The following NELL1 variants were observed in gnomAD, a reference collection of about 807,000 sequenced individuals.
NELL1 encodes neural EGFL like 1, also known as protein kinase C-binding protein NELL1.
Under a neutral mutation model 107.4 loss-of-function variants are expected in NELL1, and 76 were observed. The observed-to-expected ratio is 0.71, with a 90% confidence interval of 0.59 to 0.86. The LOEUF is 0.86. Ranked by LOEUF, NELL1 falls within the 40% of genes least tolerant of loss-of-function variation. NELL1 has a pLI of 0.00. For synonymous variants in NELL1, 353 were observed against 341.2 expected (o/e 1.03, Z -0.38); for missense variants, 1,024 against 1,005.5 (o/e 1.02, Z -0.25).
At chr11:21,534,264 TAA>T in intron 15 of NELL1, 108 bp from the exon 16 acceptor site, 1 of 1,248,550 alleles carries the variant, frequency 8.0e-7, no homozygotes, top group East Asian at 2.4e-5. Context: ...TGTAGGTGAC[TAA>T]ACAGTTTTAA....
rs555335375 is a variant in NELL1 at position 21,494,890 on chromosome 11, T to C, written c.1646-39484T>C. ...CCATCATACATCAATATTTATTCTT[T>C]TTTAGAAAAATTAGTGATGTAGAGC... On this transcript the variant is annotated intron_variant, in intron 15 of 19. Coordinates refer to ENST00000357134, the MANE Select transcript of NELL1 (RefSeq NM_006157.5). 1.8e-4 allele frequency among the ~76,000 whole-genome samples: 28 copies of C among 152,168 alleles called. No homozygotes were observed. In the South Asian group the frequency reaches 5.2e-3, roughly 28 times the overall value.
intron 12 of NELL1, among the ~76,000 whole-genome samples, chr11:21,090,168 A>G (rs1321477908): frequency 6.6e-6 from 1 of 152,222 alleles, no homozygotes; most frequent in Non-Finnish European, 1.5e-5. Flanking sequence ...GAATGGTCAA[A>G]GAATGGGTGT....
chr11:20,799,666 T>TATGC (rs1405600584), intron 3 of NELL1, among the ~76,000 whole-genome samples: 1 of 151,848 alleles, frequency 6.6e-6, no homozygotes, highest in Non-Finnish European at 1.5e-5. Flanking sequence ...TGTGTGTATG[T>TATGC]ATGTATGTAT....
chr11:20,928,760 T>C (rs1850555477), intron 9 of NELL1, among the ~76,000 whole-genome samples: 1 of 152,180 alleles, frequency 6.6e-6, no homozygotes, highest in Non-Finnish European at 1.5e-5. Flanking sequence ...AGGGATTAAG[T>C]CACTTGTCCA....
At chr11:21,004,479 C>A (rs919604636) in intron 12 of NELL1, among the ~76,000 whole-genome samples, 1 of 152,050 alleles carries the variant, frequency 6.6e-6, no homozygotes, top group Non-Finnish European at 1.5e-5. Context: ...ATCAGAGAAG[C>A]CATATTTAAT....
intron 11 of NELL1, among the ~76,000 whole-genome samples, chr11:20,948,378 A>C (rs1030947314): frequency 5.3e-5 from 8 of 151,916 alleles, no homozygotes; most frequent in Non-Finnish European, 1.2e-4. Flanking sequence ...ATTGTTATAT[A>C]ATAGTTGTGC....
chr11:20,991,314 T>C (rs988864618), intron 12 of NELL1, among the ~76,000 whole-genome samples: 1 of 152,204 alleles, frequency 6.6e-6, no homozygotes, highest in Non-Finnish European at 1.5e-5. Context: ...GTCCACTGTT[T>C]TACTGCCACT....
At chr11:21,292,652 A>T (rs953121231) in intron 14 of NELL1, among the ~76,000 whole-genome samples, 1 of 152,198 alleles carries the variant, frequency 6.6e-6, no homozygotes, top group African/African-American at 2.4e-5. Context: ...ACAAAGCTGG[A>T]GGCATCATGG....
At chr11:20,721,181 G>A (rs111635270) in intron 2 of NELL1, among the ~76,000 whole-genome samples, 16,028 of 125,694 alleles carry the variant, frequency 0.13, 1,174 homozygotes, top group Non-Finnish European at 0.16. Flanking sequence ...TATATTTTGT[G>A]TATATATATA....
intron 12 of NELL1, among the ~76,000 whole-genome samples, chr11:21,065,892 T>A (rs987644024): frequency 8.5e-5 from 13 of 152,198 alleles, no homozygotes; most frequent in African/African-American, 3.1e-4. Flanking sequence ...CCCTTGTTCA[T>A]CAGAATGGAC....
chr11:21,290,395 ATAG>A (rs1291714577), intron 14 of NELL1, among the ~76,000 whole-genome samples: 8 of 90,318 alleles, frequency 8.9e-5, no homozygotes, highest in African/African-American at 1.6e-4. Context: ...AATAAAATAA[ATAG>A]ATAAATAAAT....
chr11:21,198,087 C>G (rs1034694533), intron 13 of NELL1, among the ~76,000 whole-genome samples: 15 of 152,184 alleles, frequency 9.9e-5, no homozygotes, highest in African/African-American at 3.6e-4. Context: ...GAAATGGAAT[C>G]AACTGAAGGT....
At chr11:20,893,815 A>C (rs1590388367) in intron 5 of NELL1, among the ~76,000 whole-genome samples, 1 of 151,486 alleles carries the variant, frequency 6.6e-6, no homozygotes, top group African/African-American at 2.4e-5. Context: ...CAGTGAAACA[A>C]TAAAAAATAA....
intron 13 of NELL1, among the ~76,000 whole-genome samples, chr11:21,135,694 A>G (rs539834000): frequency 6.4e-4 from 97 of 152,360 alleles, no homozygotes; most frequent in African/African-American, 2.2e-3. Flanking sequence ...TAGCATATAG[A>G]ATCAGCAACT....
intron 15 of NELL1, among the ~76,000 whole-genome samples, chr11:21,464,395 T>C (rs1853972565): frequency 1.1e-5 from 1 of 94,714 alleles, no homozygotes; most frequent in Non-Finnish European, 2.1e-5. Context: ...TATGAATATG[T>C]CCGTGGCAAA....
At chr11:20,763,927 C>T (rs1040830373) in intron 2 of NELL1, among the ~76,000 whole-genome samples, 1 of 152,174 alleles carries the variant, frequency 6.6e-6, no homozygotes, top group African/African-American at 2.4e-5. Context: ...AGGGGGCCAG[C>T]CAGGTAACAG....
intron 5 of NELL1, among the ~76,000 whole-genome samples, chr11:20,892,646 T>G (rs963839357): frequency 1.3e-5 from 2 of 152,170 alleles, no homozygotes; most frequent in Admixed American, 6.5e-5. Context: ...GCGCAGTGGC[T>G]CAGGCCAGAC....
chr11:20,944,211 T>A (rs1363139331), intron 10 of NELL1, among the ~76,000 whole-genome samples: 1 of 152,168 alleles, frequency 6.6e-6, no homozygotes, highest in East Asian at 1.9e-4. Flanking sequence ...AAAGGATGCC[T>A]GGAGATCCAC....
chr11:20,814,247 G>A (rs977780067), intron 3 of NELL1, among the ~76,000 whole-genome samples: 1 of 152,196 alleles, frequency 6.6e-6, no homozygotes, highest in Non-Finnish European at 1.5e-5. Flanking sequence ...GCCCGCCTCG[G>A]CCTCCCAAAG....
Sources: gnomAD v4.1 joint callset for allele counts (sites outside exome capture counted in the v4.1 genomes callset) on GRCh38, gnomAD v4.1.1 for gene constraint, MANE v1.5 for transcripts, NCBI Gene and HGNC (gene_info 2026-07-23, HGNC 2026-07-21) for gene names.